ZNHIT6: variants seen among roughly 807,000 people sequenced by gnomAD.
ZNHIT6 encodes the protein zinc finger HIT-type containing 6.
Under a neutral mutation model 57.2 loss-of-function variants are expected in ZNHIT6, and 45 were observed. That is an observed-to-expected ratio of 0.79 (90% confidence interval 0.62 to 1.01). The LOEUF is 1.01. Among genes scored for constraint, ZNHIT6 ranks in the 50% least tolerant of loss-of-function variants. The pLI, the probability that ZNHIT6 is intolerant of heterozygous loss-of-function variation, is 0.00. For synonymous variants in ZNHIT6, 188 were observed against 190.0 expected (o/e 0.99, Z 0.09); for missense variants, 528 against 567.3 (o/e 0.93, Z 0.70).
At chr1:85,695,911 C>T (rs1472932973) in intron 5 of ZNHIT6, among the ~76,000 whole-genome samples, 1 of 152,170 alleles carries the variant, frequency 6.6e-6, no homozygotes. Context: ...TGGCATGTGC[C>T]TGTAGTTCCA....
chr1:85,706,592 C>T lies in ZNHIT6; in HGVS notation c.657-85G>A. 3 of 1,240,620 alleles carry T rather than the reference C, an allele frequency of 2.4e-6. No homozygotes were observed. The South Asian group carries it at 5.9e-5, about 25-fold the overall frequency. The allele number at this position is 1,240,620 out of a possible 1,614,324, so 76.9% of individuals were successfully genotyped here. ...TTAGAATTCCCAATCAATTTATAAACTCAGTGACAAGTAACTGATAAAATA... is the reference window on the plus strand; with the variant it reads ...TTAGAATTCCCAATCAATTTATAAATTCAGTGACAAGTAACTGATAAAATA... On this transcript the variant is annotated intron_variant, in intron 1 of 9. Transcript: ENST00000370574.
intron 4 of ZNHIT6, among the ~76,000 whole-genome samples, chr1:85,703,508 T>C (rs1470728318): frequency 2.6e-5 from 4 of 152,268 alleles, no homozygotes; most frequent in South Asian, 2.1e-4. Context: ...TGCTGATATA[T>C]GACAAAGGTG....
At chr1:85,666,854 C>T (rs1285811130) in intron 8 of ZNHIT6, among the ~76,000 whole-genome samples, 2 of 152,128 alleles carry the variant, frequency 1.3e-5, no homozygotes, top group African/African-American at 4.8e-5. Context: ...TTCCTTTGTT[C>T]TGTAATAGAA....
At chr1:85,705,760 G>C (rs747474853) in intron 4 of ZNHIT6, among the ~76,000 whole-genome samples, 1 of 152,036 alleles carries the variant, frequency 6.6e-6, no homozygotes, top group African/African-American at 2.4e-5. Context: ...CCACTGTATC[G>C]AAAATAGTAC....
At position 85,706,503 on chromosome 1, in the gene ZNHIT6, C is replaced by G; in HGVS notation, c.661G>C (p.Glu221Gln). ...CKRKLAMSRC[E>Q]TCGTEEAKYR... ...TTTGCTTCTTCTGTACCACAAGTCT[C>G]ACACCTACAAAAGCCCACATGTAAC... The change falls in exon 2 of 10, where the codon GAG becomes CAG. Residue 221 changes from glutamate (E) to glutamine (Q), a missense_variant. Glu to Gln is a conservative substitution (Grantham distance 29). Transcript: ENST00000370574. 1 of 1,560,496 alleles carries G rather than the reference C, an allele frequency of 6.4e-7. No individual in the cohort carries two copies. Among genetic ancestry groups the G allele is most frequent in the Non-Finnish European group, 8.6e-7 (1 of 1,163,536 alleles).
chr1:85,674,213 A>G (rs1186733624), intron 8 of ZNHIT6, among the ~76,000 whole-genome samples: 2 of 152,208 alleles, frequency 1.3e-5, no homozygotes, highest in East Asian at 3.8e-4. Flanking sequence ...TCAATAGCAA[A>G]AATGGGGGAA....
chr1:85,694,425 C>T (rs1223481878), intron 5 of ZNHIT6, among the ~76,000 whole-genome samples: 4 of 151,644 alleles, frequency 2.6e-5, no homozygotes, highest in African/African-American at 9.7e-5. Flanking sequence ...TATAAGCATT[C>T]ACTGCAAAAT....
rs1156795211 is a variant in ZNHIT6, at chr1:85,667,947, C to CAAAAAA, written c.1247+9283_1247+9288dup. The stretch of plus-strand genomic sequence containing the variant: ...AGACTCATTCACTCACTCTCTCTTT[C>CAAAAAA]AAAAAAAAAAAAAAATATATATATA... On this transcript the variant is annotated intron_variant, in intron 8 of 9. Transcript: ENST00000370574. Among the ~76,000 whole-genome samples the CAAAAAA allele has an allele frequency of 4.3e-4, 4 of 9,262 alleles. 1 individual carries two copies. The highest frequency in any genetic ancestry group is 9.0e-3 in the South Asian group (2 of 222). The allele number at this position is 9,262 out of a possible 152,430, so 6.1% of individuals were successfully genotyped here.
rs1662759883 is a variant in ZNHIT6, at chr1:85,708,364, G to A, written c.-80C>T. ...ACACCAATAGGAGGAATTACCGGTC[G>A]GAATACCTACGGCGGCCCACGTGTG... On this transcript the variant is annotated 5_prime_UTR_variant, in exon 1 of 10. Coordinates refer to ENST00000370574, the MANE Select transcript of ZNHIT6 (RefSeq NM_017953.4). 1.3e-6 allele frequency: 2 copies of A among 1,502,332 alleles called. No individual in the cohort carries two copies. The highest frequency in any genetic ancestry group is 1.8e-6 in the Non-Finnish European group (2 of 1,126,278). The allele number at this position is 1,502,332 out of a possible 1,614,324, so 93.1% of individuals were successfully genotyped here. A position where few individuals can be genotyped will look rare whatever the true frequency, so the allele number is the denominator to read the frequency against.
intron 8 of ZNHIT6, among the ~76,000 whole-genome samples, chr1:85,667,564 A>G (rs1661401685): frequency 6.6e-6 from 1 of 151,756 alleles, no homozygotes; most frequent in Non-Finnish European, 1.5e-5. Context: ...GATGAAATAT[A>G]TCACCCTTAA....
At chr1:85,681,656 T>C (rs542727729) in intron 5 of ZNHIT6, among the ~76,000 whole-genome samples, 19 of 152,290 alleles carry the variant, frequency 1.2e-4, no homozygotes, top group Admixed American at 1.2e-3. Flanking sequence ...CTCCTTAAAA[T>C]CTATCCCATA....
intron 1 of ZNHIT6, 95 bp downstream of exon 1, chr1:85,707,534 A>T: frequency 7.2e-7 from 1 of 1,381,312 alleles, no homozygotes; most frequent in South Asian, 1.6e-5. Flanking sequence ...CTCATTTTTC[A>T]TTATTCCACC....
At chr1:85,686,212 C>T (rs539294412) in intron 5 of ZNHIT6, among the ~76,000 whole-genome samples, 9 of 150,828 alleles carry the variant, frequency 6.0e-5, no homozygotes, top group Non-Finnish European at 1.2e-4. Flanking sequence ...ACGCCCGCCT[C>T]GGCCTCCCAA....
chr1:85,674,272 C>G (rs1661642879), intron 8 of ZNHIT6, among the ~76,000 whole-genome samples: 1 of 152,144 alleles, frequency 6.6e-6, no homozygotes, highest in African/African-American at 2.4e-5. Context: ...AAAGTACTTT[C>G]ATGTTCCTCA....
chr1:85,698,228 C>T (rs1360427444), intron 5 of ZNHIT6, among the ~76,000 whole-genome samples: 1 of 152,168 alleles, frequency 6.6e-6, no homozygotes, highest in Non-Finnish European at 1.5e-5. Context: ...ACTTCACAGA[C>T]TTCACCTCAC....
chr1:85,681,790 T>G (rs1285644948), intron 5 of ZNHIT6, among the ~76,000 whole-genome samples: 1 of 152,166 alleles, frequency 6.6e-6, no homozygotes, highest in African/African-American at 2.4e-5. Flanking sequence ...GAGAACAAAG[T>G]TGAAAAGTAC....
intron 4 of ZNHIT6, among the ~76,000 whole-genome samples, chr1:85,705,389 A>G (rs6667672): frequency 0.28 from 42,086 of 151,468 alleles, 6,405 homozygotes; most frequent in East Asian, 0.35. Context: ...TAATTTTTGT[A>G]TTGTTTTATA....
At chr1:85,683,042 C>T (rs1482488751) in intron 5 of ZNHIT6, among the ~76,000 whole-genome samples, 1 of 151,836 alleles carries the variant, frequency 6.6e-6, no homozygotes, top group Non-Finnish European at 1.5e-5. Flanking sequence ...CATGATGATA[C>T]CCCATCTCTA....
intron 5 of ZNHIT6, among the ~76,000 whole-genome samples, chr1:85,695,423 G>A (rs766937860): frequency 4.6e-5 from 7 of 152,274 alleles, no homozygotes; most frequent in South Asian, 2.1e-4. Context: ...TGGTATATAT[G>A]TGGGTAGATT....
Sources: gnomAD v4.1 joint callset for allele counts (sites outside exome capture counted in the v4.1 genomes callset) on GRCh38, gnomAD v4.1.1 for gene constraint, MANE v1.5 for transcripts, NCBI Gene and HGNC (gene_info 2026-07-23, HGNC 2026-07-21) for gene names.